Variants in NIN observed in about 807,000 individuals in gnomAD.
The protein encoded by NIN is ninein.
A neutral mutation model predicts 257.6 loss-of-function variants in NIN; 137 were observed. The ratio of observed to expected loss-of-function variants is 0.53; its 90% CI spans 0.46 to 0.61. The LOEUF is 0.61. NIN is among the 20% of genes least tolerant of loss of function. The pLI is 0.00. For missense variants in NIN, 2,439 were observed against 2,501.2 expected (o/e 0.98, Z 0.53); for synonymous variants, 918 against 919.8 (o/e 1.00, Z 0.04).
At chr14:50,806,616 A>G in intron 4 of NIN, 121 bp downstream of exon 4, 1 of 552,332 alleles carries the variant, frequency 1.8e-6, no homozygotes, top group Non-Finnish European at 3.2e-6. Flanking sequence ...ACCGAAAATA[A>G]CTGCTCAATC....
intron 7 of NIN, among the ~76,000 whole-genome samples, chr14:50,773,606 T>C (rs1051431749): frequency 6.6e-6 from 1 of 152,240 alleles, no homozygotes; most frequent in Non-Finnish European, 1.5e-5. Context: ...AATTAAGATT[T>C]GGAATCTGAA....
intron 27 of NIN, among the ~76,000 whole-genome samples, chr14:50,736,325 G>A (rs2040977395): frequency 6.6e-6 from 1 of 151,450 alleles, no homozygotes; most frequent in African/African-American, 2.4e-5. Context: ...TTTTTTTAGA[G>A]ATGGGATTTC....
intron 28 of NIN, chr14:50,731,049 T>A (rs752733874): frequency 2.8e-6 from 2 of 711,636 alleles, no homozygotes; most frequent in Non-Finnish European, 4.3e-6. Context: ...GAGAAAAGTA[T>A]GAGTAATAAA....
At chr14:50,820,564 C>T (rs1000103090) in intron 3 of NIN, among the ~76,000 whole-genome samples, 1 of 152,158 alleles carries the variant, frequency 6.6e-6, no homozygotes, top group Non-Finnish European at 1.5e-5. Context: ...CCCACAGAGT[C>T]TAAGACTGAG....
intron 28 of NIN, chr14:50,730,889 T>C (rs1238721802): frequency 1.5e-6 from 2 of 1,328,768 alleles, no homozygotes; most frequent in Non-Finnish European, 9.9e-7. Flanking sequence ...GATGGCTCCA[T>C]GCTATGAAAG....
upstream of NIN, among the ~76,000 whole-genome samples, chr14:50,831,354 T>C (rs532544922): frequency 1.3e-5 from 2 of 151,972 alleles, no homozygotes; most frequent in African/African-American, 4.8e-5. Context: ...GGTGCGGGTG[T>C]AGGAGGCTGG....
In NIN at chr14:50,721,370, A is replaced by G. The variant is rs1408476045; in HGVS notation, c.*2093T>C. 1 of 210,994 alleles carries G rather than the reference A, an allele frequency of 4.7e-6. No homozygotes were observed. Among genetic ancestry groups the G allele is most frequent in the African/African-American group, 2.3e-5 (1 of 44,082 alleles). The allele number at this position is 210,994 out of a possible 1,614,324, so 13.1% of individuals were successfully genotyped here. A position where few individuals can be genotyped will look rare whatever the true frequency, so the allele number is the denominator to read the frequency against. On this transcript the variant is annotated 3_prime_UTR_variant, in exon 31 of 31. Coordinates refer to ENST00000530997, the MANE Select transcript of NIN (RefSeq NM_020921.4). The stretch of plus-strand genomic sequence containing the variant: ...ATAAACAAATTAACCTACACCTCTC[A>G]TACTGTAAAAGACAAAAATTAAAAA...
chr14:50,723,647 G>A lies in NIN; in HGVS notation c.6218C>T (p.Ala2073Val). 1.2e-6 allele frequency: 2 copies of A among 1,613,748 alleles called. No individual in the cohort carries two copies. Among genetic ancestry groups the A allele is most frequent in the Non-Finnish European group, 1.7e-6 (2 of 1,179,768 alleles). ...EQLCKNTKAD[A>V]MVKDLYVENA... ...TTCAACATACAAGTCCTTCACCATT[G>A]CGTCTGCCTTAGTGTTCTTGCAGAG... is the stretch of plus-strand genomic sequence containing the variant. Residue 2073 changes from alanine (A) to valine (V), a missense_variant, in exon 31 of 31, where the codon GCA becomes GTA. This residue lies in a region of NIN where 2,043 missense variants were observed against 2,050.2 expected (regional missense o/e 1.00). Coordinates refer to ENST00000530997, the MANE Select transcript of NIN (RefSeq NM_020921.4).
chr14:50,728,718 G>A lies in NIN; in HGVS notation c.6078+805C>T, dbSNP rs80109886. 2.8e-3 allele frequency among the ~76,000 whole-genome samples: 427 copies of A among 152,328 alleles called. 2 individuals are homozygous for A. The highest frequency in any genetic ancestry group is 9.5e-3 in the African/African-American group (397 of 41,572). ...AATTAACTAAATAGGCAAGCTGCAA[G>A]AGTTAAACTTCTGAGAAAGGATGAT... On this transcript the variant is annotated intron_variant, in intron 29 of 30. Coordinates refer to ENST00000530997, the MANE Select transcript of NIN (RefSeq NM_020921.4).
chr14:50,769,940 C>T (rs2141784136), intron 12 of NIN, among the ~76,000 whole-genome samples: 1 of 142,800 alleles, frequency 7.0e-6, no homozygotes, highest in African/African-American at 2.6e-5. Context: ...GAGACCCCAT[C>T]TCAAAAAAAA....
rs1429920528 is a variant in NIN at position 50,719,768 on chromosome 14, A to C, written c.*3695T>G. The C allele has an allele frequency of 5.4e-6, 1 of 183,812 alleles. No homozygotes were observed. The highest frequency in any genetic ancestry group is 2.3e-5 in the African/African-American group (1 of 42,566). 11.4% of individuals were successfully genotyped at this position (183,812 alleles called of 1,614,324 possible). ...GCTACCATTCTAAAGACCAATGATAAATACACTGAAACTTTATTAAAAGGT... is the reference window on the plus strand; with the variant it reads ...GCTACCATTCTAAAGACCAATGATACATACACTGAAACTTTATTAAAAGGT... On this transcript the variant is annotated 3_prime_UTR_variant, in exon 31 of 31. Transcript: ENST00000530997.
At chr14:50,766,567 G>A (rs760611018) in intron 13 of NIN, among the ~76,000 whole-genome samples, 171 bp from the exon 14 acceptor site, 18 of 152,186 alleles carry the variant, frequency 1.2e-4, no homozygotes, top group Non-Finnish European at 2.6e-4. Flanking sequence ...CTAGAGTGAC[G>A]TGTTCAATGA....
chr14:50,764,557 T>C (rs2042399518), intron 14 of NIN, among the ~76,000 whole-genome samples: 1 of 152,200 alleles, frequency 6.6e-6, no homozygotes, highest in Non-Finnish European at 1.5e-5. Context: ...TTACTCATAA[T>C]AGCCAAAATC....
intron 20 of NIN, among the ~76,000 whole-genome samples, chr14:50,754,284 G>A (rs184128881): frequency 5.3e-5 from 8 of 152,238 alleles, no homozygotes; most frequent in African/African-American, 1.2e-4. Context: ...CTAATATTTC[G>A]TAGGTATGGT....
At chr14:50,811,032 C>T (rs561025496) in intron 3 of NIN, among the ~76,000 whole-genome samples, 3 of 151,714 alleles carry the variant, frequency 2.0e-5, no homozygotes, top group South Asian at 2.1e-4. Flanking sequence ...CTTAATAGGC[C>T]GGGGTTGTCT....
At position 50,770,923 on chromosome 14, in the gene NIN, G is replaced by C; in HGVS notation, c.1188C>G (p.Leu396=). Residue 396 remains leucine, a synonymous_variant, in exon 11 of 31, where the codon CTC becomes CTG. Coordinates refer to ENST00000530997, the MANE Select transcript of NIN (RefSeq NM_020921.4). ...CCACCTCCGAGGCCATTAAAGACTT[G>C]AGCTTCTCGGCCTTGTCCAGATCTG... ...LRSDLDKAEK[L]KSLMASEVDD... The C allele has an allele frequency of 6.2e-7, 1 of 1,614,192 alleles. No individual in the cohort carries two copies. The highest frequency in any genetic ancestry group is 1.1e-5 in the South Asian group (1 of 91,084).
chr14:50,731,018 A>G, intron 28 of NIN: 1 of 1,121,142 alleles, frequency 8.9e-7, no homozygotes. Context: ...AGACAAAAAG[A>G]AGAGAAAATT....
At chr14:50,785,718 C>G (rs2043318125) in intron 5 of NIN, among the ~76,000 whole-genome samples, 1 of 152,354 alleles carries the variant, frequency 6.6e-6, no homozygotes, top group African/African-American at 2.4e-5. Flanking sequence ...GCGTATTTCA[C>G]TAACAGTCCT....
At chr14:50,779,742 A>T (rs2043058648) in intron 5 of NIN, among the ~76,000 whole-genome samples, 1 of 150,934 alleles carries the variant, frequency 6.6e-6, no homozygotes, top group South Asian at 2.1e-4. Flanking sequence ...TGGGCAACAG[A>T]GCGAGACTCC....
Sources: gnomAD v4.1 joint callset for allele counts (sites outside exome capture counted in the v4.1 genomes callset) on GRCh38, gnomAD v4.1.1 for gene constraint, gnomAD v4.1.1 regional missense constraint, MANE v1.5 for transcripts, NCBI Gene and HGNC (gene_info 2026-07-23, HGNC 2026-07-21) for gene names.